TAFA2: variants seen among roughly 807,000 people sequenced by gnomAD.
TAFA2 encodes the protein chemokine-like protein TAFA-2.
TAFA2 carries 7 observed loss-of-function variants against 18.8 expected under a neutral mutation model. The ratio of observed to expected loss-of-function variants is 0.37; its 90% CI spans 0.21 to 0.70. TAFA2 has a LOEUF of 0.70. TAFA2 is among the 30% of genes least tolerant of loss of function. The pLI, the probability that TAFA2 is intolerant of heterozygous loss-of-function variation, is 0.53. For missense variants in TAFA2, 122 were observed against 158.1 expected, an observed-to-expected ratio of 0.77 and a Z score of 1.23; for synonymous variants, 60 against 54.2, an observed-to-expected ratio of 1.11 and a Z score of -0.47.
At chr12:61,856,177 A>G (rs1873876949) in intron 2 of TAFA2, among the ~76,000 whole-genome samples, 1 of 152,038 alleles carries the variant, frequency 6.6e-6, no homozygotes, top group South Asian at 2.1e-4. Flanking sequence ...ACCTACAGCT[A>G]GTAAAGAGAT....
At chr12:62,141,194 G>A (rs946502922) in intron 1 of TAFA2, among the ~76,000 whole-genome samples, 3 of 152,194 alleles carry the variant, frequency 2.0e-5, no homozygotes, top group African/African-American at 7.2e-5. Flanking sequence ...CAGAGAAGGT[G>A]GGCTTAAAGC....
At chr12:62,030,775 TTTG>T (rs142952343) in intron 1 of TAFA2, among the ~76,000 whole-genome samples, 6 of 151,726 alleles carry the variant, frequency 4.0e-5, no homozygotes, top group African/African-American at 4.8e-5. Context: ...GAAACAGAGG[TTTG>T]TTGTTGTTGT....
rs114059616 is a variant in TAFA2, at chr12:61,900,275, G to A, written c.-1-32849C>T. On this transcript the variant is annotated intron_variant, in intron 1 of 4. Coordinates refer to ENST00000416284, the MANE Select transcript of TAFA2 (RefSeq NM_178539.5). ...GCATGTGTTTATGTTTACAAGATAA[G>A]CCTAAATAGTTTTCCAAAGTGATTA... Among the ~76,000 whole-genome samples, 454 of 152,222 alleles carry A rather than the reference G, an allele frequency of 3.0e-3. 3 individuals are homozygous for A. Among genetic ancestry groups the A allele is most frequent in the African/African-American group, 0.01 (432 of 41,542 alleles).
chr12:61,900,652 G>A (rs545437093), intron 1 of TAFA2, among the ~76,000 whole-genome samples: 156 of 152,166 alleles, frequency 1.0e-3, no homozygotes, highest in African/African-American at 3.7e-3. Flanking sequence ...GAACAGCATG[G>A]GAGAACCACT....
chr12:61,991,992 T>C (rs73130983), intron 1 of TAFA2, among the ~76,000 whole-genome samples: 23,480 of 152,226 alleles, frequency 0.15, 2,330 homozygotes, highest in Non-Finnish European at 0.22. Context: ...TTGCTGGCTC[T>C]TTCTCATCTT....
chr12:62,031,100 T>A (rs980276922), intron 1 of TAFA2, among the ~76,000 whole-genome samples: 6 of 152,154 alleles, frequency 3.9e-5, no homozygotes, highest in African/African-American at 1.2e-4. Flanking sequence ...GACTGTGTGA[T>A]GTTTAATACT....
intron 2 of TAFA2, among the ~76,000 whole-genome samples, chr12:61,784,976 C>T (rs1204172107): frequency 6.6e-6 from 1 of 151,406 alleles, no homozygotes; most frequent in East Asian, 1.9e-4. Context: ...ATTCAATATC[C>T]TCCTTCTAGC....
At chr12:62,147,920 CA>C (rs1359376956) in intron 1 of TAFA2, among the ~76,000 whole-genome samples, 1 of 151,896 alleles carries the variant, frequency 6.6e-6, no homozygotes, top group Non-Finnish European at 1.5e-5. Context: ...AGAAACTTCT[CA>C]AAAGAAGGCA....
intron 1 of TAFA2, among the ~76,000 whole-genome samples, chr12:62,112,527 G>A (rs1869780558): frequency 6.6e-6 from 1 of 152,132 alleles, no homozygotes; most frequent in East Asian, 1.9e-4. Flanking sequence ...TTTGAATGTT[G>A]GCCTGTCTTT....
chr12:61,815,151 G>C (rs1276057367), intron 2 of TAFA2, among the ~76,000 whole-genome samples: 1 of 151,448 alleles, frequency 6.6e-6, no homozygotes, highest in African/African-American at 2.5e-5. Context: ...AAATAGTAGA[G>C]AGGAGGACAT....
At chr12:61,818,305 C>G (rs1188702122) in intron 2 of TAFA2, among the ~76,000 whole-genome samples, 1 of 152,016 alleles carries the variant, frequency 6.6e-6, no homozygotes, top group Non-Finnish European at 1.5e-5. Context: ...TTAACCTACA[C>G]TGAATAGGTA....
rs1449820277 is a variant in TAFA2, at chr12:62,245,630, A to C, written c.-130+13133T>G. ...ACATATAAATATATATTATACATAAATATATAAAATGTATATTTTATAGAA... is the reference window on the plus strand; with the variant it reads ...ACATATAAATATATATTATACATAACTATATAAAATGTATATTTTATAGAA... On this transcript the variant is annotated intron_variant, in intron 1 of 5. Transcript: ENST00000551619. Among the ~76,000 whole-genome samples the C allele has an allele frequency of 4.7e-5, 7 of 147,834 alleles. No individual in the cohort carries two copies. The East Asian group carries it at 1.4e-3, about 29-fold the overall frequency.
intron 1 of TAFA2, among the ~76,000 whole-genome samples, chr12:62,097,382 T>A (rs1868997694): frequency 6.6e-6 from 1 of 152,078 alleles, no homozygotes; most frequent in African/African-American, 2.4e-5. Context: ...GAGAAGACAC[T>A]GAAGGCATAA....
At chr12:61,946,268 A>C (rs1878266288) in intron 1 of TAFA2, among the ~76,000 whole-genome samples, 2 of 151,128 alleles carry the variant, frequency 1.3e-5, no homozygotes, top group African/African-American at 4.9e-5. Context: ...AGAAAGCTGA[A>C]ACTGGATCCC....
At chr12:62,209,350 C>T (rs955886424) in intron 1 of TAFA2, among the ~76,000 whole-genome samples, 2 of 152,218 alleles carry the variant, frequency 1.3e-5, no homozygotes, top group Non-Finnish European at 2.9e-5. Context: ...CTTCCTGCTG[C>T]CTTGTGAAAA....
chr12:61,966,680 AT>A (rs1328799218), intron 1 of TAFA2, among the ~76,000 whole-genome samples: 1 of 151,924 alleles, frequency 6.6e-6, no homozygotes, highest in African/African-American at 2.4e-5. Flanking sequence ...TACTTATGCA[AT>A]TAAATTGAAA....
intron 1 of TAFA2, among the ~76,000 whole-genome samples, chr12:62,036,980 G>A (rs1439808542): frequency 6.6e-6 from 1 of 152,122 alleles, no homozygotes; most frequent in Non-Finnish European, 1.5e-5. Context: ...CAATTCTGCT[G>A]CATTGTTATT....
intron 1 of TAFA2, among the ~76,000 whole-genome samples, chr12:61,878,981 A>T (rs544521769): frequency 3.0e-4 from 45 of 152,268 alleles, no homozygotes; most frequent in African/African-American, 1.1e-3. Context: ...GACTTGTTCA[A>T]AGTCAAAGTT....
At chr12:62,121,117 G>C (rs1440451023) in intron 1 of TAFA2, among the ~76,000 whole-genome samples, 1 of 152,002 alleles carries the variant, frequency 6.6e-6, no homozygotes, top group African/African-American at 2.4e-5. Flanking sequence ...TGATTTCTAT[G>C]AACTACCCTA....
Sources: allele counts gnomAD v4.1 joint callset (sites outside exome capture counted in the v4.1 genomes callset), GRCh38; gene constraint gnomAD v4.1.1; transcripts MANE v1.5; gene names NCBI Gene and HGNC (gene_info 2026-07-23, HGNC 2026-07-21).